RFC1: variants seen among roughly 807,000 people sequenced by gnomAD.
RFC1 encodes the protein replication factor C subunit 1.
In RFC1, 37 loss-of-function variants were observed where a neutral mutation model predicts 137.4. The observed-to-expected ratio is 0.27, with a 90% CI of 0.21 to 0.35. The LOEUF is 0.35. RFC1 is among the 10% of genes least tolerant of loss of function. The pLI is 1.00. For missense variants in RFC1, 1,205 were observed against 1,358.5 expected, an observed-to-expected ratio of 0.89 and a Z score of 1.78; for synonymous variants, 429 against 455.7, an observed-to-expected ratio of 0.94 and a Z score of 0.75.
intron 4 of RFC1, among the ~76,000 whole-genome samples, chr4:39,330,201 C>T (rs985225933): frequency 1.6e-4 from 24 of 151,996 alleles, no homozygotes; most frequent in Non-Finnish European, 4.4e-5. Context: ...AAAGGCCTTA[C>T]GTCCCAGGCA....
At chr4:39,310,658 C>T (rs991330455) in intron 12 of RFC1, among the ~76,000 whole-genome samples, 1 of 152,184 alleles carries the variant, frequency 6.6e-6, no homozygotes, top group African/African-American at 2.4e-5. Context: ...GTTCCTAGAC[C>T]AGACCCTCCC....
intron 22 of RFC1, among the ~76,000 whole-genome samples, chr4:39,293,688 AAT>A (rs1737815802): frequency 6.6e-6 from 1 of 152,054 alleles, no homozygotes; most frequent in Non-Finnish European, 1.5e-5. Context: ...CACCCCCAAA[AAT>A]GTTTGGTCTA....
At chr4:39,302,916 A>G in intron 16 of RFC1, 42 bp from the exon 17 acceptor site, 1 of 1,552,540 alleles carries the variant, frequency 6.4e-7, no homozygotes, top group Non-Finnish European at 8.8e-7. Flanking sequence ...TATTTTAAAA[A>G]TGACAAATAC....
intron 9 of RFC1, among the ~76,000 whole-genome samples, chr4:39,319,300 G>C (rs1403493078): frequency 1.3e-5 from 2 of 152,200 alleles, no homozygotes; most frequent in Non-Finnish European, 2.9e-5. Context: ...TCCAGAGCCT[G>C]TGTGTGGAGC....
chr4:39,290,843 T>C (rs530323491), intron 23 of RFC1, among the ~76,000 whole-genome samples: 1 of 149,900 alleles, frequency 6.7e-6, no homozygotes, highest in East Asian at 1.9e-4. Context: ...GGGGAGCTCA[T>C]CACAAGATAT....
rs768016476 is a variant in RFC1 at position 39,312,960 on chromosome 4, G to T, written c.1204-29C>A. On this transcript the variant is annotated intron_variant, in intron 10 of 24. Transcript: ENST00000349703. ...AAAACCAAAATGTTCAAGCAGAGAG[G>T]AAATTACATGGTAGCTTTCCAAAGA... is the stretch of plus-strand genomic sequence containing the variant. 6 of 1,543,116 alleles carry T rather than the reference G, an allele frequency of 3.9e-6. No homozygotes were observed. In the South Asian group the frequency reaches 7.4e-5, roughly 19 times the overall value.
At chr4:39,290,926 G>A (rs1010023750) in intron 23 of RFC1, among the ~76,000 whole-genome samples, 40 of 151,894 alleles carry the variant, frequency 2.6e-4, no homozygotes, top group Middle Eastern at 6.8e-3. Flanking sequence ...AAAATACTAA[G>A]TAACTTGAAA....
Position 39,288,645 on chromosome 4 carries a change from G to C in RFC1, c.*116C>G, listed in dbSNP as rs1737498842. On this transcript the variant is annotated 3_prime_UTR_variant, in exon 25 of 25. Coordinates refer to ENST00000349703, the MANE Select transcript of RFC1 (RefSeq NM_002913.5). Reference sequence around the variant, plus strand: ...ACCCTTTATTTATAATGGGACACCAGGTCATCCCATTATGCTAAAACATGG... The same window carrying C: ...ACCCTTTATTTATAATGGGACACCACGTCATCCCATTATGCTAAAACATGG... The C allele has an allele frequency of 1.1e-5, 8 of 698,068 alleles. No homozygotes were observed. Among genetic ancestry groups the C allele is most frequent in the Non-Finnish European group, 2.0e-5 (8 of 390,548 alleles). The allele number at this position is 698,068 out of a possible 1,614,324, so 43.2% of individuals were successfully genotyped here.
chr4:39,299,213 A>G (rs1006705454), intron 21 of RFC1, among the ~76,000 whole-genome samples: 1 of 152,200 alleles, frequency 6.6e-6, no homozygotes, highest in African/African-American at 2.4e-5. Context: ...CCCATAAGGG[A>G]TACTTTCAGT....
intron 9 of RFC1, 130 bp downstream of exon 9, chr4:39,320,253 G>T (rs1739445107): frequency 4.2e-6 from 3 of 719,796 alleles, no homozygotes; most frequent in Non-Finnish European, 6.4e-6. Flanking sequence ...GGAGGCTGAG[G>T]CAGGTGAGTT....
intron 21 of RFC1, chr4:39,297,555 G>C (rs1379229054): frequency 3.3e-5 from 5 of 151,728 alleles, no homozygotes; most frequent in Admixed American, 2.0e-4. Context: ...TCAAAGATCA[G>C]ACAGTTGTAG....
chr4:39,351,077 C>G lies in RFC1; in HGVS notation c.132+271G>C, dbSNP rs542459111. ...CATCCTGGCTAACACGGTGAAACCCCGTCTCTACTAAAAAATAGAAAAAAT... is the reference window on the plus strand; with the variant it reads ...CATCCTGGCTAACACGGTGAAACCCGGTCTCTACTAAAAAATAGAAAAAAT... On this transcript the variant is annotated intron_variant, in intron 2 of 24. Transcript: ENST00000349703. 3.3e-5 allele frequency among the ~76,000 whole-genome samples: 5 copies of G among 151,650 alleles called. No homozygotes were observed. In the East Asian group the frequency reaches 9.7e-4, roughly 29 times the overall value.
intron 19 of RFC1, among the ~76,000 whole-genome samples, chr4:39,300,715 A>T (rs1738309298): frequency 6.6e-6 from 1 of 152,216 alleles, no homozygotes; most frequent in Non-Finnish European, 1.5e-5. Context: ...TCCTTTTAGT[A>T]GGTAAATAAA....
At chr4:39,313,360 G>A (rs1739062825) in intron 10 of RFC1, among the ~76,000 whole-genome samples, 1 of 152,124 alleles carries the variant, frequency 6.6e-6, no homozygotes, top group Admixed American at 6.6e-5. Context: ...AATAGAAGCA[G>A]GTATACTCCT....
Position 39,316,588 on chromosome 4 carries a change from T to C in RFC1, c.1203+327A>G, listed in dbSNP as rs375346593. Among the ~76,000 whole-genome samples the C allele has an allele frequency of 2.5e-3, 381 of 152,266 alleles. 2 individuals are homozygous for C. The highest frequency in any genetic ancestry group is 8.8e-3 in the African/African-American group (365 of 41,550). ...TTAGATTTTTCCCTCATAGCACATA[T>C]CCCAATTATAATTAAATTATTTATT... On this transcript the variant is annotated intron_variant, in intron 10 of 24. Transcript: ENST00000349703.
At chr4:39,348,934 C>G (rs1362779151) in intron 2 of RFC1, among the ~76,000 whole-genome samples, 1 of 152,212 alleles carries the variant, frequency 6.6e-6, no homozygotes, top group Non-Finnish European at 1.5e-5. Context: ...AGGTTTTGGA[C>G]TTGTTTGGGA....
intron 4 of RFC1, among the ~76,000 whole-genome samples, chr4:39,335,741 T>G (rs1324067757): frequency 1.3e-5 from 2 of 151,990 alleles, no homozygotes; most frequent in African/African-American, 4.8e-5. Context: ...GACCACAGAG[T>G]TAAGGGAGTG....
At chr4:39,332,678 A>G (rs1038186714) in intron 4 of RFC1, among the ~76,000 whole-genome samples, 8 of 152,188 alleles carry the variant, frequency 5.3e-5, no homozygotes, top group Non-Finnish European at 1.0e-4. Context: ...TCCTTAATCT[A>G]TCCGCTGAAC....
At chr4:39,348,166 G>A (rs1740953347) in intron 2 of RFC1, among the ~76,000 whole-genome samples, 4 of 151,934 alleles carry the variant, frequency 2.6e-5, no homozygotes, top group Admixed American at 6.6e-5. Flanking sequence ...GGTGGCTCAC[G>A]CCTGTAATCC....
Sources: allele counts gnomAD v4.1 joint callset (sites outside exome capture counted in the v4.1 genomes callset), GRCh38; gene constraint gnomAD v4.1.1; transcripts MANE v1.5; gene names NCBI Gene and HGNC (gene_info 2026-07-23, HGNC 2026-07-21).